The following ARMH4 variants were observed in gnomAD, a reference collection of about 807,000 sequenced individuals.
ARMH4 encodes armadillo-like helical domain-containing protein 4.
ARMH4 carries 49 observed loss-of-function variants against 61.9 expected under a neutral mutation model. That is an observed-to-expected ratio of 0.79 (90% confidence interval 0.63 to 1.00). ARMH4 has a LOEUF of 1.00. Among genes scored for constraint, ARMH4 ranks in the 50% least tolerant of loss-of-function variants. The pLI is 0.00. For missense variants in ARMH4, 934 were observed against 930.0 expected, an observed-to-expected ratio of 1.00 and a Z score of -0.06; for synonymous variants, 368 against 341.5, an observed-to-expected ratio of 1.08 and a Z score of -0.85.
rs114220352 is a variant in ARMH4 at position 58,078,638 on chromosome 14, A to C, written c.2089+18086T>G. ...ATGTCAGCAAACTTTTTCTGTAAAG[A>C]GTGAGATAGTAAATATTTTGGGTTT... On this transcript the variant is annotated intron_variant, in intron 5 of 7. Transcript: ENST00000267485. Among the ~76,000 whole-genome samples, 809 of 152,358 alleles carry C rather than the reference A, an allele frequency of 5.3e-3. 13 individuals carry two copies. Among genetic ancestry groups the C allele is most frequent in the African/African-American group, 0.018 (768 of 41,580 alleles).
At chr14:58,061,514 C>G (rs1446035177) in intron 5 of ARMH4, among the ~76,000 whole-genome samples, 2 of 152,174 alleles carry the variant, frequency 1.3e-5, no homozygotes, top group African/African-American at 2.4e-5. Context: ...GCTTTCCCTG[C>G]TATCCTCTCC....
chr14:58,115,597 T>G (rs1886491042), intron 4 of ARMH4, among the ~76,000 whole-genome samples: 1 of 152,074 alleles, frequency 6.6e-6, no homozygotes, highest in Non-Finnish European at 1.5e-5. Context: ...AAACAAATAA[T>G]TCTACCAAAA....
intron 4 of ARMH4, among the ~76,000 whole-genome samples, chr14:58,104,573 C>T (rs937748767): frequency 2.0e-5 from 3 of 152,168 alleles, no homozygotes; most frequent in African/African-American, 7.2e-5. Flanking sequence ...AATTATTTTA[C>T]AGCCATTAAA....
intron 2 of ARMH4, among the ~76,000 whole-genome samples, chr14:58,137,695 T>C (rs545284036): frequency 6.6e-6 from 1 of 152,174 alleles, no homozygotes; most frequent in African/African-American, 2.4e-5. Flanking sequence ...GTAATTTTTA[T>C]ATAAAATAGA....
chr14:58,101,169 C>T (rs1885960926), intron 4 of ARMH4: 1 of 152,520 alleles, frequency 6.6e-6, no homozygotes, highest in Non-Finnish European at 1.5e-5. Context: ...ATGCGTCACA[C>T]TCACTCACTG....
intron 4 of ARMH4, among the ~76,000 whole-genome samples, chr14:58,111,668 T>C (rs1886356291): frequency 6.6e-6 from 1 of 151,034 alleles, no homozygotes; most frequent in African/African-American, 2.5e-5. Context: ...TAGTGTCTCT[T>C]GTTCTTCTTC....
chr14:58,057,387 C>T (rs1001137166), intron 5 of ARMH4, among the ~76,000 whole-genome samples: 1 of 152,180 alleles, frequency 6.6e-6, no homozygotes, highest in African/African-American at 2.4e-5. Context: ...TTAATCCTTA[C>T]AACAACTTTA....
intron 4 of ARMH4, among the ~76,000 whole-genome samples, chr14:58,103,577 A>G (rs1208241858): frequency 1.4e-5 from 2 of 146,142 alleles, no homozygotes; most frequent in Non-Finnish European, 3.0e-5. Flanking sequence ...ATAAACAGGA[A>G]CTGTCCAAAA....
intron 5 of ARMH4, among the ~76,000 whole-genome samples, chr14:58,052,927 A>G (rs75673056): frequency 4.6e-5 from 7 of 151,712 alleles, no homozygotes; most frequent in Non-Finnish European, 8.8e-5. Flanking sequence ...GCTCTCTCTC[A>G]TCTCAGGGAG....
At chr14:58,064,826 A>C (rs1033611237) in intron 5 of ARMH4, among the ~76,000 whole-genome samples, 2 of 152,214 alleles carry the variant, frequency 1.3e-5, no homozygotes, top group African/African-American at 2.4e-5. Context: ...TGTCAGCCAG[A>C]GTACAATTCA....
intron 4 of ARMH4, among the ~76,000 whole-genome samples, chr14:58,110,230 T>C (rs1288675790): frequency 6.6e-6 from 1 of 152,212 alleles, no homozygotes; most frequent in Non-Finnish European, 1.5e-5. Flanking sequence ...CTGATAATTG[T>C]ATATATTTAT....
chr14:58,139,036 C>T lies in ARMH4; in HGVS notation c.323G>A (p.Arg108His), dbSNP rs142845597. 7 of 1,614,066 alleles carry T rather than the reference C, an allele frequency of 4.3e-6. No homozygotes were observed. In the African/African-American group the frequency reaches 6.7e-5, roughly 15 times the overall value. The change falls in exon 2 of 8, where the codon CGC becomes CAC. Residue 108 changes from arginine (R) to histidine (H), a missense_variant. Coordinates refer to ENST00000267485, the MANE Select transcript of ARMH4 (RefSeq NM_001001872.4). ...CTCAGTAGGTGTGGAAACACCAGGG[C>T]GTTCTGTTTGCATGAGCCCAGCTTG... is the stretch of plus-strand genomic sequence containing the variant. The part of the protein sequence containing the change: ...PGQAGLMQTE[R>H]PGVSTPTESG...
At chr14:58,043,370 T>C (rs1883799086) in intron 5 of ARMH4, among the ~76,000 whole-genome samples, 1 of 152,052 alleles carries the variant, frequency 6.6e-6, no homozygotes, top group Non-Finnish European at 1.5e-5. Context: ...ATTATCTCAA[T>C]AGATGCAGAA....
intron 1 of ARMH4, among the ~76,000 whole-genome samples, chr14:58,148,846 T>TGC (rs370148296): frequency 1.4e-5 from 2 of 145,720 alleles, no homozygotes; most frequent in African/African-American, 5.0e-5. Flanking sequence ...CAGAGTTTAT[T>TGC]ACACACACAC....
intron 5 of ARMH4, among the ~76,000 whole-genome samples, chr14:58,034,183 C>T (rs1170085642): frequency 7.3e-6 from 1 of 137,320 alleles, no homozygotes; most frequent in Non-Finnish European, 1.6e-5. Flanking sequence ...AAGGAAAGCC[C>T]ATCAGACTAA....
rs112270833 is a variant in ARMH4, at chr14:58,054,882, A to T, written c.2089+41842T>A. 7.3e-4 allele frequency among the ~76,000 whole-genome samples: 106 copies of T among 144,442 alleles called. 2 individuals are homozygous for T. The highest frequency in any genetic ancestry group is 2.7e-3 in the Admixed American group (40 of 14,634). The allele number at this position is 144,442 out of a possible 152,430, so 94.8% of individuals were successfully genotyped here. A position where few individuals can be genotyped will look rare whatever the true frequency, so the allele number is the denominator to read the frequency against. On this transcript the variant is annotated intron_variant, in intron 5 of 7. Coordinates refer to ENST00000267485, the MANE Select transcript of ARMH4 (RefSeq NM_001001872.4). The stretch of plus-strand genomic sequence containing the variant: ...AGGACTCTGTCTCAAAAAAAAAAAA[A>T]AAATAATAATAATAATAATAATAAT...
chr14:58,110,134 G>C (rs184138932), intron 4 of ARMH4, among the ~76,000 whole-genome samples: 1 of 152,084 alleles, frequency 6.6e-6, no homozygotes, highest in Non-Finnish European at 1.5e-5. Context: ...GAGCCAAACC[G>C]TATCAATAGC....
chr14:58,142,329 T>C (rs1342406086), intron 1 of ARMH4, among the ~76,000 whole-genome samples: 3 of 152,170 alleles, frequency 2.0e-5, no homozygotes, highest in African/African-American at 4.8e-5. Flanking sequence ...AGCTTCCATG[T>C]GTTATCTCAT....
intron 4 of ARMH4, among the ~76,000 whole-genome samples, chr14:58,102,736 G>A (rs556659546): frequency 3.3e-5 from 5 of 150,250 alleles, no homozygotes; most frequent in South Asian, 2.1e-4. Flanking sequence ...GCGTGAACCC[G>A]GGAAGCGGAG....
Sources: gnomAD v4.1 joint callset for allele counts (sites outside exome capture counted in the v4.1 genomes callset) on GRCh38, gnomAD v4.1.1 for gene constraint, MANE v1.5 for transcripts, NCBI Gene and HGNC (gene_info 2026-07-23, HGNC 2026-07-21) for gene names.